PDE10A: variants seen among roughly 807,000 people sequenced by gnomAD.
PDE10A encodes the protein phosphodiesterase 10A, also known as cAMP and cAMP-inhibited cGMP 3',5'-cyclic phosphodiesterase 10A.
In PDE10A, 39 loss-of-function variants were observed where a neutral mutation model predicts 97.7. The ratio of observed to expected loss-of-function variants is 0.40; its 90% CI spans 0.31 to 0.52. PDE10A has a LOEUF of 0.52. Among genes scored for constraint, PDE10A ranks in the 20% least tolerant of loss-of-function variants. PDE10A has a pLI of 0.56. For missense variants in PDE10A, 731 were observed against 1,047.8 expected (o/e 0.70, Z 4.17); for synonymous variants, 371 against 376.8 (o/e 0.98, Z 0.18).
chr6:165,564,707 T>C (rs1339851447), intron 1 of PDE10A, among the ~76,000 whole-genome samples: 1 of 152,240 alleles, frequency 6.6e-6, no homozygotes, highest in African/African-American at 2.4e-5. Flanking sequence ...TATTAGTTAA[T>C]GCTAAGTAAC....
intron 10 of PDE10A, among the ~76,000 whole-genome samples, chr6:165,426,828 C>G (rs1789195985): frequency 6.6e-6 from 1 of 152,066 alleles, no homozygotes; most frequent in Non-Finnish European, 1.5e-5. Context: ...GAATAGACAT[C>G]TCCCCTAAGA....
intron 1 of PDE10A, among the ~76,000 whole-genome samples, chr6:165,752,070 G>A: frequency 6.6e-6 from 1 of 150,976 alleles, no homozygotes; most frequent in East Asian, 2.0e-4. Flanking sequence ...GTGAACCCGG[G>A]AGCCGGAGCT....
At chr6:165,722,881 T>TACACAC (rs139427743) in intron 1 of PDE10A, among the ~76,000 whole-genome samples, 15 of 145,800 alleles carry the variant, frequency 1.0e-4, no homozygotes, top group South Asian at 4.5e-4. Context: ...TATATATATA[T>TACACAC]ATACACACAC....
In PDE10A at chr6:165,332,943, C is replaced by G. The variant is rs1013973547; in HGVS notation, c.*82G>C. 1.0e-5 allele frequency: 6 copies of G among 573,880 alleles called. No individual in the cohort carries two copies. Among genetic ancestry groups the G allele is most frequent in the Admixed American group, 6.7e-5 (3 of 44,720 alleles). The allele number at this position is 573,880 out of a possible 1,614,324, so 35.5% of individuals were successfully genotyped here. On this transcript the variant is annotated 3_prime_UTR_variant, in exon 22 of 22. Transcript: ENST00000539869. ...AGTTACCAGGTGCAGGTTCCCCCCACCCCCCCCAAAAAAAGGAAAAGAATG... is the reference window on the plus strand; with the variant it reads ...AGTTACCAGGTGCAGGTTCCCCCCAGCCCCCCCAAAAAAAGGAAAAGAATG...
At chr6:165,458,737 T>C (rs893348099) in intron 3 of PDE10A, among the ~76,000 whole-genome samples, 1 of 152,136 alleles carries the variant, frequency 6.6e-6, no homozygotes, top group Non-Finnish European at 1.5e-5. Context: ...AAGAGCAAGT[T>C]GGTGTGCCCC....
chr6:165,413,743 A>G (rs1788080944), intron 12 of PDE10A, 56 bp from the exon 13 acceptor site: 1 of 1,398,086 alleles, frequency 7.2e-7, no homozygotes, highest in African/African-American at 1.4e-5. Context: ...GAAGAAATAA[A>G]GGACACAGTC....
chr6:165,795,317 T>C (rs776709740), intron 1 of PDE10A, among the ~76,000 whole-genome samples: 2 of 152,348 alleles, frequency 1.3e-5, no homozygotes, highest in Non-Finnish European at 2.9e-5. Context: ...TGCAAGGGTT[T>C]TCCTTTCTAG....
rs71029572 is a variant in PDE10A, at chr6:165,927,647, CATATATATATAT to C, written c.-615+59870_-615+59881del. ...ATGAATATTATTAACATGAGAATGA[CATATATATATAT>C]ATATATATATATATATATAGTTTTT... is the stretch of plus-strand genomic sequence containing the variant. On this transcript the variant is annotated intron_variant, in intron 1 of 19. Coordinates refer to the PDE10A transcript ENST00000366882. 7.2e-4 allele frequency among the ~76,000 whole-genome samples: 53 copies of C among 73,236 alleles called. 3 individuals carry two copies. The highest frequency in any genetic ancestry group is 9.0e-4 in the Non-Finnish European group (35 of 38,862). 48.0% of individuals were successfully genotyped at this position (73,236 alleles called of 152,430 possible). A position where few individuals can be genotyped will look rare whatever the true frequency, so the allele number is the denominator to read the frequency against.
At chr6:165,491,956 T>C (rs1308584774) in intron 2 of PDE10A, among the ~76,000 whole-genome samples, 1 of 150,696 alleles carries the variant, frequency 6.6e-6, no homozygotes, top group Non-Finnish European at 1.5e-5. Flanking sequence ...AATTGAGAGA[T>C]CATTAGCAAG....
At chr6:165,458,167 G>T (rs534539581) in intron 3 of PDE10A, among the ~76,000 whole-genome samples, 1 of 151,770 alleles carries the variant, frequency 6.6e-6, no homozygotes, top group Non-Finnish European at 1.5e-5. Flanking sequence ...GTTTTATTTT[G>T]ACATAATTTC....
rs185254434 is a variant in PDE10A at position 165,444,861 on chromosome 6, T to G, written c.1194+4067A>C. Among the ~76,000 whole-genome samples the G allele has an allele frequency of 2.6e-3, 392 of 152,308 alleles. 2 individuals are homozygous for G. Among genetic ancestry groups the G allele is most frequent in the African/African-American group, 8.9e-3 (371 of 41,578 alleles). On this transcript the variant is annotated intron_variant, in intron 5 of 21. Coordinates refer to ENST00000539869, the MANE Select transcript of PDE10A (RefSeq NM_001385079.1). Reference sequence around the variant, plus strand: ...TTTAATTATTTCTACTGCGAAGAAATTCATACTTTAATAAGTATAAAAACT... The same window carrying G: ...TTTAATTATTTCTACTGCGAAGAAAGTCATACTTTAATAAGTATAAAAACT...
chr6:165,471,364 C>G (rs925136832), intron 3 of PDE10A, among the ~76,000 whole-genome samples: 2 of 152,084 alleles, frequency 1.3e-5, no homozygotes, highest in African/African-American at 4.8e-5. Flanking sequence ...ATGACTCTAG[C>G]TACTATCTGT....
rs371446606 is a variant in PDE10A, at chr6:165,576,397, G to A, written c.866-32829C>T. 91 of 780,444 alleles carry A rather than the reference G, an allele frequency of 1.2e-4. 2 individuals carry two copies. The highest frequency in any genetic ancestry group is 9.1e-4 in the South Asian group (68 of 74,550). The allele number at this position is 780,444 out of a possible 1,614,324, so 48.3% of individuals were successfully genotyped here. On this transcript the variant is annotated intron_variant, in intron 1 of 21. Coordinates refer to ENST00000539869, the MANE Select transcript of PDE10A (RefSeq NM_001385079.1). The stretch of plus-strand genomic sequence containing the variant: ...CTTCTAAATTTCTTTTGCTGGCTTC[G>A]TGTCCTCTACTCACCTGTTAAATGT...
chr6:165,816,765 A>G (rs1346908855), intron 1 of PDE10A, among the ~76,000 whole-genome samples: 1 of 152,172 alleles, frequency 6.6e-6, no homozygotes, highest in African/African-American at 2.4e-5. Flanking sequence ...CAGACGGTGG[A>G]AAGAGGGAGG....
intron 1 of PDE10A, among the ~76,000 whole-genome samples, chr6:165,713,486 A>G (rs1198501044): frequency 6.6e-6 from 1 of 152,188 alleles, no homozygotes; most frequent in Non-Finnish European, 1.5e-5. Context: ...TGCACTACAG[A>G]GGATTATTAG....
At chr6:165,714,886 C>T (rs573700553) in intron 1 of PDE10A, among the ~76,000 whole-genome samples, 31 of 152,316 alleles carry the variant, frequency 2.0e-4, no homozygotes, top group Admixed American at 1.4e-3. Context: ...GTCTGAGGCT[C>T]CACCACTGGG....
chr6:165,905,441 T>C (rs1385379198), intron 1 of PDE10A, among the ~76,000 whole-genome samples: 2 of 152,188 alleles, frequency 1.3e-5, no homozygotes, highest in African/African-American at 2.4e-5. Flanking sequence ...TCTTTAATAA[T>C]CATTAAGAAT....
chr6:165,658,708 C>T (rs2128429721), intron 1 of PDE10A, among the ~76,000 whole-genome samples: 1 of 152,366 alleles, frequency 6.6e-6, no homozygotes, highest in South Asian at 2.1e-4. Context: ...CACAAGCAAA[C>T]ACTGGGCTCT....
intron 1 of PDE10A, among the ~76,000 whole-genome samples, chr6:165,826,514 A>T (rs138038543): frequency 7.8e-5 from 9 of 114,770 alleles, no homozygotes; most frequent in African/African-American, 2.1e-4. Flanking sequence ...CCTCTGTCCC[A>T]GTGTTACTCT....
Sources: allele counts gnomAD v4.1 joint callset (sites outside exome capture counted in the v4.1 genomes callset), GRCh38; gene constraint gnomAD v4.1.1; transcripts MANE v1.5; gene names NCBI Gene and HGNC (gene_info 2026-07-23, HGNC 2026-07-21).